Variants in FBH1 observed in about 807,000 individuals in gnomAD.
FBH1 encodes DNA 3'-5' helicase 1.
FBH1 carries 43 observed loss-of-function variants against 115.5 expected under a neutral mutation model. The observed-to-expected ratio is 0.37, with a 90% CI of 0.29 to 0.48. The LOEUF is 0.48. Ranked by LOEUF, FBH1 falls within the 20% of genes least tolerant of loss-of-function variation. FBH1 has a pLI of 0.99. For synonymous variants in FBH1, 524 were observed against 507.8 expected, an observed-to-expected ratio of 1.03 and a Z score of -0.43; for missense variants, 1,001 against 1,337.3, an observed-to-expected ratio of 0.75 and a Z score of 3.92.
Position 5,921,354 on chromosome 10 carries a change from C to CAG in FBH1, c.2200_2200+1dup. 6.2e-7 allele frequency: 1 copy of CAG among 1,613,930 alleles called. No individual in the cohort carries two copies. The highest frequency in any genetic ancestry group is 8.5e-7 in the Non-Finnish European group (1 of 1,179,952). ...AAAGACTTTGGTTGGAGGAAACCATCAGAGTAAGGCTTTTAGTTACTCTTC... is the reference window on the plus strand; with the variant it reads ...AAAGACTTTGGTTGGAGGAAACCATCAGAGAGTAAGGCTTTTAGTTACTCTTC... On this transcript the variant is annotated frameshift_variant, in exon 14 of 21. Coordinates refer to ENST00000362091, the MANE Select transcript of FBH1 (RefSeq NM_178150.3). LOFTEE classifies it high-confidence loss of function. This position sits in a 1 kb window ranked among gnomAD's most constrained non-coding sequence, Gnocchi z 6.4.
At chr10:5,919,090 T>G (rs944858971) in intron 13 of FBH1, among the ~76,000 whole-genome samples, 1 of 152,234 alleles carries the variant, frequency 6.6e-6, no homozygotes, top group Admixed American at 6.5e-5. Context: ...TGCCAGGCAT[T>G]GAAGAGATTT....
intron 1 of FBH1, chr10:5,891,169 G>A: frequency 1.0e-6 from 1 of 985,890 alleles, no homozygotes; most frequent in Non-Finnish European, 1.2e-6. Flanking sequence ...GTGTCCGCCA[G>A]CGTCTGCCGC....
chr10:5,915,373 G>A lies in FBH1; in HGVS notation c.1397-30G>A, dbSNP rs1477465629. Reference sequence around the variant, plus strand: ...CTGGGCATGTCTTGTCTGGTCAGAGGGTCACCTCCTTTCCTCCTGGCTTCC... The same window carrying A: ...CTGGGCATGTCTTGTCTGGTCAGAGAGTCACCTCCTTTCCTCCTGGCTTCC... On this transcript the variant is annotated intron_variant, in intron 8 of 20. Transcript: ENST00000362091. This position sits in a 1 kb window ranked among gnomAD's most constrained non-coding sequence, Gnocchi z 5.2. 6.2e-7 allele frequency: 1 copy of A among 1,611,890 alleles called. No individual in the cohort carries two copies. Among genetic ancestry groups the A allele is most frequent in the African/African-American group, 1.3e-5 (1 of 74,868 alleles).
intron 13 of FBH1, among the ~76,000 whole-genome samples, chr10:5,920,364 G>T (rs1241031004): frequency 6.6e-6 from 1 of 152,208 alleles, no homozygotes; most frequent in Non-Finnish European, 1.5e-5. Context: ...GTGTTTGTCA[G>T]GTTTCTTCAC....
rs112171172 is a variant in FBH1 at position 5,915,282 on chromosome 10, A to C, written c.1397-121A>C. The C allele has an allele frequency of 2.2e-4, 231 of 1,032,032 alleles. No individual in the cohort carries two copies. The African/African-American group carries it at 3.3e-3, about 15-fold the overall frequency. The allele number at this position is 1,032,032 out of a possible 1,614,324, so 63.9% of individuals were successfully genotyped here. Reference sequence around the variant, plus strand: ...GCACTACTTTTACCAGCACTGAAAAACTTGTTACTGTCCTGCTCTCAAGAC... The same window carrying C: ...GCACTACTTTTACCAGCACTGAAAACCTTGTTACTGTCCTGCTCTCAAGAC... On this transcript the variant is annotated intron_variant, in intron 8 of 20. Coordinates refer to ENST00000362091, the MANE Select transcript of FBH1 (RefSeq NM_178150.3). The surrounding 1 kb of genome is among the most constrained non-coding windows in gnomAD (Gnocchi z 5.2).
rs140030521 is a variant in FBH1, at chr10:5,931,248, C to G, written c.2829+3707C>G. ...AGGGTAACTGCCATCTCAGCAGATA[C>G]GCATTACCTTGCTTTGTTGCACAAC... On this transcript the variant is annotated intron_variant, in intron 19 of 20. Coordinates refer to ENST00000362091, the MANE Select transcript of FBH1 (RefSeq NM_178150.3). The surrounding 1 kb of genome is among the most constrained non-coding windows in gnomAD (Gnocchi z 4.3). 2.6e-5 allele frequency among the ~76,000 whole-genome samples: 4 copies of G among 152,236 alleles called. No homozygotes were observed. The highest frequency in any genetic ancestry group is 2.6e-4 in the Admixed American group (4 of 15,282).
In FBH1 at chr10:5,921,886, T is replaced by G. The variant is rs1832337190; in HGVS notation, c.2322+317T>G. ...AGCTTTTCTAGTCATGTGTTGTCAT[T>G]AGTGTGAGAACAGCTGAGCTGACAA... On this transcript the variant is annotated intron_variant, in intron 15 of 20. Coordinates refer to ENST00000362091, the MANE Select transcript of FBH1 (RefSeq NM_178150.3). This position sits in a 1 kb window ranked among gnomAD's most constrained non-coding sequence, Gnocchi z 6.4. Among the ~76,000 whole-genome samples the G allele has an allele frequency of 2.6e-5, 4 of 152,206 alleles. No individual in the cohort carries two copies. In the South Asian group the frequency reaches 8.3e-4, roughly 31 times the overall value.
In FBH1 at chr10:5,911,434, C is replaced by T. The variant is rs1042764568; in HGVS notation, c.1211+306C>T. Among the ~76,000 whole-genome samples, 3 of 152,344 alleles carry T rather than the reference C, an allele frequency of 2.0e-5. No individual in the cohort carries two copies. The highest frequency in any genetic ancestry group is 3.4e-3 in the Middle Eastern group (1 of 294). Reference sequence around the variant, plus strand: ...CCAAGAGAAGCCTTTCTTATTCACCCGTGGCCTCGCTTCCCTAGGAAAATG... The same window carrying T: ...CCAAGAGAAGCCTTTCTTATTCACCTGTGGCCTCGCTTCCCTAGGAAAATG... On this transcript the variant is annotated intron_variant, in intron 6 of 20. Transcript: ENST00000362091. The surrounding 1 kb of genome is among the most constrained non-coding windows in gnomAD (Gnocchi z 5.4).
rs767702880 is a variant in FBH1, at chr10:5,911,347, C to T, written c.1211+219C>T. Among the ~76,000 whole-genome samples the T allele has an allele frequency of 1.3e-5, 2 of 152,192 alleles. No individual in the cohort carries two copies. The highest frequency in any genetic ancestry group is 2.1e-4 in the South Asian group (1 of 4,834). On this transcript the variant is annotated intron_variant, in intron 6 of 20. Transcript: ENST00000362091. The surrounding 1 kb of genome is among the most constrained non-coding windows in gnomAD (Gnocchi z 5.4). ...ATGAACGTGCAGTTCTGAGCGGCTG[C>T]GAGATACCACTAAGGCTGATTTTAC...
chr10:5,925,285 A>T lies in FBH1; in HGVS notation c.2597-82A>T. On this transcript the variant is annotated intron_variant, in intron 17 of 20. Transcript: ENST00000362091. This position sits in a 1 kb window ranked among gnomAD's most constrained non-coding sequence, Gnocchi z 4.6. ...GCAAGAAATGTTCGAGTTCAGAGTCAAGTGGGAAACATGTATGTTTTTGTC... is the reference window on the plus strand; with the variant it reads ...GCAAGAAATGTTCGAGTTCAGAGTCTAGTGGGAAACATGTATGTTTTTGTC... 6.5e-7 allele frequency: 1 copy of T among 1,544,214 alleles called. No individual in the cohort carries two copies. The highest frequency in any genetic ancestry group is 8.8e-7 in the Non-Finnish European group (1 of 1,135,684).
At chr10:5,894,208 C>G in intron 1 of FBH1, 1 of 985,418 alleles carries the variant, frequency 1.0e-6, no homozygotes, top group Non-Finnish European at 1.2e-6. Context: ...GCATTCGTTT[C>G]TTTTAGAGCT....
At position 5,911,031 on chromosome 10, in the gene FBH1, A is replaced by G; in HGVS notation, c.1114A>G (p.Ser372Gly). Residue 372 changes from serine (S) to glycine (G), a missense_variant, in exon 6 of 21, where the codon AGC becomes GGC. Physicochemically the swap from Ser to Gly is moderately conservative, Grantham distance 56. Around this residue, in one of 4 missense-constraint regions of FBH1, gnomAD observed 59 missense variants for 79.7 expected, o/e 0.74. Coordinates refer to ENST00000362091, the MANE Select transcript of FBH1 (RefSeq NM_178150.3). The surrounding 1 kb of genome is among the most constrained non-coding windows in gnomAD (Gnocchi z 5.4). ...ACTGCTCTTCTGCCTCCGGAGACCC[A>G]GCTCCACGGTGACCATGCCAGATGT... The part of the protein sequence containing the change: ...QRLLFCLRRP[S>G]STVTMPDVTE... 6.2e-7 allele frequency: 1 copy of G among 1,613,168 alleles called. No individual in the cohort carries two copies. Among genetic ancestry groups the G allele is most frequent in the Non-Finnish European group, 8.5e-7 (1 of 1,180,010 alleles).
Position 5,910,838 on chromosome 10 carries a change from G to A in FBH1, c.1021-100G>A. ...CAGTCCAGACAGTCTGTAGCCAGCA[G>A]CTGGACCCGTGGCTCGGCTTTCCTG... On this transcript the variant is annotated intron_variant, in intron 5 of 20. Transcript: ENST00000362091. This position sits in a 1 kb window ranked among gnomAD's most constrained non-coding sequence, Gnocchi z 4.8. 2 of 1,013,480 alleles carry A rather than the reference G, an allele frequency of 2.0e-6. No individual in the cohort carries two copies. Among genetic ancestry groups the A allele is most frequent in the South Asian group, 1.6e-5 (1 of 63,258 alleles). 62.8% of individuals were successfully genotyped at this position (1,013,480 alleles called of 1,614,324 possible).
rs747444308 is a variant in FBH1 at position 5,918,623 on chromosome 10, G to T, written c.2100+145G>T. 1.9e-6 allele frequency: 2 copies of T among 1,080,788 alleles called. No homozygotes were observed. Among genetic ancestry groups the T allele is most frequent in the East Asian group, 2.9e-5 (1 of 34,076 alleles). 66.9% of individuals were successfully genotyped at this position (1,080,788 alleles called of 1,614,324 possible). A position where few individuals can be genotyped will look rare whatever the true frequency, so the allele number is the denominator to read the frequency against. On this transcript the variant is annotated intron_variant, in intron 13 of 20. Coordinates refer to ENST00000362091, the MANE Select transcript of FBH1 (RefSeq NM_178150.3). The surrounding 1 kb of genome is among the most constrained non-coding windows in gnomAD (Gnocchi z 4.0). Reference sequence around the variant, plus strand: ...TGGTTCTCAAAGTGTGGTTCTCAGGGGTCTGCCAAGTCACACTGTTTTCAT... The same window carrying T: ...TGGTTCTCAAAGTGTGGTTCTCAGGTGTCTGCCAAGTCACACTGTTTTCAT...
rs757425185 is a variant in FBH1, at chr10:5,916,311, G to T, written c.1643G>T (p.Gly548Val). The change falls in exon 10 of 21, where the codon GGT becomes GTT. Residue 548 changes from glycine to valine, a missense_variant. This residue lies in a region of FBH1 where 521 missense variants were observed against 811.0 expected (regional missense o/e 0.64). Transcript: ENST00000362091. ...AACTCCGTCCTTGCTGAAGGGAAGGGTGGATTCATAAGAGCCAAGCTTGTG... is the reference window on the plus strand; with the variant it reads ...AACTCCGTCCTTGCTGAAGGGAAGGTTGGATTCATAAGAGCCAAGCTTGTG... ...MVNSVLAEGK[G>V]GFIRAKLVCK... 15 of 1,614,128 alleles carry T rather than the reference G, an allele frequency of 9.3e-6. No homozygotes were observed. Among genetic ancestry groups the T allele is most frequent in the African/African-American group, 1.3e-5 (1 of 74,934 alleles).
Position 5,924,340 on chromosome 10 carries a change from AGAAGATGGGT to A in FBH1, c.2430_2439del (p.Arg810SerfsTer13). 1 of 1,614,226 alleles carries A rather than the reference AGAAGATGGGT, an allele frequency of 6.2e-7. No homozygotes were observed. The highest frequency in any genetic ancestry group is 8.5e-7 in the Non-Finnish European group (1 of 1,180,032). On this transcript the variant is annotated frameshift_variant, in exon 17 of 21. Coordinates refer to ENST00000362091, the MANE Select transcript of FBH1 (RefSeq NM_178150.3). LOFTEE classifies it high-confidence loss of function. The surrounding 1 kb of genome is among the most constrained non-coding windows in gnomAD (Gnocchi z 6.2). ...CCTCGTCATTAAAGACAAATTTATC[AGAAGATGGGT>A]GCACAAAGAAGGCTTTAGTGGCTTC...
chr10:5,896,538 A>T (rs1255941394), intron 1 of FBH1, among the ~76,000 whole-genome samples: 3 of 152,184 alleles, frequency 2.0e-5, no homozygotes, highest in Admixed American at 6.5e-5. Flanking sequence ...GTTTGTGTAC[A>T]TTCTGGTTTT....
At chr10:5,934,019 C>T (rs1833147840) in intron 19 of FBH1, among the ~76,000 whole-genome samples, 1 of 152,158 alleles carries the variant, frequency 6.6e-6, no homozygotes, top group African/African-American at 2.4e-5. Context: ...AGTGTCGAGT[C>T]CAGTCTCTGC....
At chr10:5,929,814 C>G (rs1237153265) in intron 19 of FBH1, 1 of 152,216 alleles carries the variant, frequency 6.6e-6, no homozygotes, top group East Asian at 1.9e-4. Flanking sequence ...CCAGTACCCC[C>G]AGGAGTTAAG....
Sources: allele counts gnomAD v4.1 joint callset (sites outside exome capture counted in the v4.1 genomes callset), GRCh38; gene constraint gnomAD v4.1.1; regional missense constraint gnomAD v4.1.1; non-coding constraint Gnocchi (gnomAD v3.1); transcripts MANE v1.5; gene names NCBI Gene and HGNC (gene_info 2026-07-23, HGNC 2026-07-21).